The following NELL2 variants were observed in gnomAD, a reference collection of about 807,000 sequenced individuals.
NELL2 encodes neural EGFL like 2.
NELL2 carries 41 observed loss-of-function variants against 109.6 expected under a neutral mutation model. That is an observed-to-expected ratio of 0.37 (90% CI 0.29 to 0.49). NELL2 has a LOEUF of 0.49. NELL2 is among the 20% of genes least tolerant of loss of function. NELL2 has a pLI of 0.98. For synonymous variants in NELL2, 355 were observed against 344.7 expected (o/e 1.03, Z -0.33); for missense variants, 900 against 1,008.3 (o/e 0.89, Z 1.45).
chr12:44,774,579 A>T (rs1047403063), intron 9 of NELL2, 168 bp downstream of exon 9: 21 of 614,790 alleles, frequency 3.4e-5, no homozygotes, highest in Non-Finnish European at 5.1e-5. Context: ...ATAGCATTTT[A>T]AAATGGAAAA....
intron 15 of NELL2, among the ~76,000 whole-genome samples, chr12:44,595,596 T>C (rs1047635484): frequency 6.6e-5 from 6 of 91,390 alleles, no homozygotes; most frequent in Non-Finnish European, 1.4e-4. Context: ...CCAGCTAATT[T>C]TTTTTTTTTT....
chr12:44,821,452 A>G (rs1943540400), intron 2 of NELL2, among the ~76,000 whole-genome samples: 1 of 152,232 alleles, frequency 6.6e-6, no homozygotes, highest in Non-Finnish European at 1.5e-5. Context: ...ATTATATAAG[A>G]TAACATTTTT....
chr12:44,773,303 G>A (rs1005077419), intron 9 of NELL2, among the ~76,000 whole-genome samples: 1 of 151,974 alleles, frequency 6.6e-6, no homozygotes, highest in African/African-American at 2.4e-5. Context: ...GTGAAATCCC[G>A]TCTCTACTAA....
chr12:44,532,513 A>G, intron 16 of NELL2, 68 bp downstream of exon 16: 1 of 1,496,604 alleles, frequency 6.7e-7, no homozygotes, highest in Non-Finnish European at 9.1e-7. Flanking sequence ...TCTTCTATTT[A>G]TAGCTTATGA....
chr12:44,804,385 G>A (rs2136659702), intron 3 of NELL2, among the ~76,000 whole-genome samples: 1 of 152,038 alleles, frequency 6.6e-6, no homozygotes, highest in South Asian at 2.1e-4. Flanking sequence ...TCCAGAATCA[G>A]TGGAAGTGGA....
chr12:44,620,419 TTCA>T, intron 13 of NELL2, among the ~76,000 whole-genome samples: 1 of 152,134 alleles, frequency 6.6e-6, no homozygotes, highest in Admixed American at 6.6e-5. Flanking sequence ...ATGCAAAACA[TTCA>T]GAGACCTGAC....
At chr12:44,797,444 T>C (rs1031273281) in intron 3 of NELL2, among the ~76,000 whole-genome samples, 2 of 152,080 alleles carry the variant, frequency 1.3e-5, no homozygotes, top group African/African-American at 4.8e-5. Flanking sequence ...TTACAAGGGT[T>C]TCATAGATTC....
At chr12:44,746,487 A>T (rs1306113766) in intron 9 of NELL2, among the ~76,000 whole-genome samples, 1 of 152,246 alleles carries the variant, frequency 6.6e-6, no homozygotes, top group Non-Finnish European at 1.5e-5. Context: ...ACAGCAAAAG[A>T]AACTACCATC....
intron 13 of NELL2, among the ~76,000 whole-genome samples, chr12:44,630,186 T>C (rs1455119503): frequency 6.6e-6 from 1 of 152,242 alleles, no homozygotes; most frequent in Non-Finnish European, 1.5e-5. Flanking sequence ...TTCAAGCTTA[T>C]GTTTAGCTAT....
chr12:44,845,157 A>G (rs1456656486), intron 2 of NELL2, among the ~76,000 whole-genome samples: 1 of 152,214 alleles, frequency 6.6e-6, no homozygotes, highest in African/African-American at 2.4e-5. Context: ...TAAGTAATAC[A>G]GACTCCAAAT....
At chr12:44,797,880 T>C (rs963559536) in intron 3 of NELL2, among the ~76,000 whole-genome samples, 4 of 109,116 alleles carry the variant, frequency 3.7e-5, no homozygotes, top group African/African-American at 1.2e-4. Flanking sequence ...CTAGATGGAA[T>C]GATGGAATAA....
At chr12:44,844,468 G>A (rs1396806160) in intron 2 of NELL2, among the ~76,000 whole-genome samples, 1 of 152,196 alleles carries the variant, frequency 6.6e-6, no homozygotes, top group African/African-American at 2.4e-5. Context: ...ATGCCATTTA[G>A]ACAAAGCACT....
intron 9 of NELL2, among the ~76,000 whole-genome samples, chr12:44,720,901 G>A (rs1566236348): frequency 1.3e-5 from 2 of 152,114 alleles, no homozygotes; most frequent in Non-Finnish European, 2.9e-5. Flanking sequence ...TCCCATAGGT[G>A]GCCTTAATTT....
chr12:44,535,147 G>A (rs565241456), intron 15 of NELL2, among the ~76,000 whole-genome samples: 1 of 151,930 alleles, frequency 6.6e-6, no homozygotes, highest in African/African-American at 2.4e-5. Context: ...TGCCCATAAT[G>A]TATTTTCATA....
At position 44,667,687 on chromosome 12, in the gene NELL2, C is replaced by T. The variant is rs1006811818; in HGVS notation, c.1319-2078G>A. On this transcript the variant is annotated intron_variant, in intron 12 of 19. Transcript: ENST00000429094. ...GCCACATGTCAAATTGAGTTTCTAACAGATAACTCTGAAATTCAGCAGGAA... is the reference window on the plus strand; with the variant it reads ...GCCACATGTCAAATTGAGTTTCTAATAGATAACTCTGAAATTCAGCAGGAA... Among the ~76,000 whole-genome samples the T allele has an allele frequency of 7.9e-5, 12 of 152,204 alleles. No individual in the cohort carries two copies. The South Asian group carries it at 1.0e-3, about 13-fold the overall frequency.
chr12:44,764,886 G>A (rs190995692), intron 9 of NELL2, among the ~76,000 whole-genome samples: 56 of 152,116 alleles, frequency 3.7e-4, no homozygotes, highest in African/African-American at 1.3e-3. Flanking sequence ...TGAGCTCCTG[G>A]ACAGTCAGGG....
upstream of NELL2, chr12:44,876,338 C>G (rs1011459416): frequency 1.4e-5 from 16 of 1,178,624 alleles, no homozygotes; most frequent in Admixed American, 4.1e-5. Context: ...GGGAGACGCG[C>G]GGAGAGACTG....
rs1223141591 is a variant in NELL2 at position 44,597,574 on chromosome 12, A to G, written c.1663+9595T>C. ...GAATCAGTAGCCAAATAAAGCATAA[A>G]AACTGTTAAACTTAGTTCCCTCTAT... On this transcript the variant is annotated intron_variant, in intron 15 of 19. Coordinates refer to ENST00000429094, the MANE Select transcript of NELL2 (RefSeq NM_001145108.2). Among the ~76,000 whole-genome samples, 5 of 152,240 alleles carry G rather than the reference A, an allele frequency of 3.3e-5. No individual in the cohort carries two copies. In the South Asian group the frequency reaches 8.3e-4, roughly 25 times the overall value.
At chr12:44,538,104 T>C (rs1489910526) in intron 15 of NELL2, among the ~76,000 whole-genome samples, 2 of 152,206 alleles carry the variant, frequency 1.3e-5, no homozygotes, top group African/African-American at 4.8e-5. Flanking sequence ...AATATTCTTA[T>C]CCTTATGTCA....
Sources: gnomAD v4.1 joint callset for allele counts (sites outside exome capture counted in the v4.1 genomes callset) on GRCh38, gnomAD v4.1.1 for gene constraint, MANE v1.5 for transcripts, NCBI Gene and HGNC (gene_info 2026-07-23, HGNC 2026-07-21) for gene names.